The following SLIT3 variants were observed in gnomAD, a reference collection of about 807,000 sequenced individuals.
The protein encoded by SLIT3 is slit guidance ligand 3, also known as slit homolog 3 protein.
A neutral mutation model predicts 184.0 loss-of-function variants in SLIT3; 68 were observed. That is an observed-to-expected ratio of 0.37 (90% confidence interval 0.30 to 0.45). The LOEUF is 0.45. Ranked by LOEUF, SLIT3 falls within the 20% of genes least tolerant of loss-of-function variation. SLIT3 has a pLI of 1.00. For missense variants in SLIT3, 1,707 were observed against 2,026.0 expected (o/e 0.84, Z 3.02); for synonymous variants, 831 against 828.6 (o/e 1.00, Z -0.05).
At chr5:168,741,578 A>G (rs1392050771) in intron 20 of SLIT3, among the ~76,000 whole-genome samples, 1 of 152,076 alleles carries the variant, frequency 6.6e-6, no homozygotes, top group Non-Finnish European at 1.5e-5. Flanking sequence ...GAAAACAAAC[A>G]GTGAATGAGA....
At chr5:169,021,402 G>C (rs577967776) in intron 4 of SLIT3, among the ~76,000 whole-genome samples, 2 of 152,076 alleles carry the variant, frequency 1.3e-5, no homozygotes, top group East Asian at 3.9e-4. Context: ...CCAGGCTGGA[G>C]TGCAGTGATA....
chr5:168,662,087 C>A lies in SLIT3; in HGVS notation c.*4367G>T, dbSNP rs1760871395. 1 of 152,262 alleles carries A rather than the reference C, an allele frequency of 6.6e-6. No individual in the cohort carries two copies. The highest frequency in any genetic ancestry group is 2.1e-4 in the South Asian group (1 of 4,830). 9.4% of individuals were successfully genotyped at this position (152,262 alleles called of 1,614,324 possible). A position where few individuals can be genotyped will look rare whatever the true frequency, so the allele number is the denominator to read the frequency against. On this transcript the variant is annotated 3_prime_UTR_variant, in exon 36 of 36. Coordinates refer to ENST00000519560, the MANE Select transcript of SLIT3 (RefSeq NM_003062.4). ...AACCACACTATGCCCTCTGCTTCCCCATCATGTGGGGACCATCTGCCTGGA... is the reference window on the plus strand; with the variant it reads ...AACCACACTATGCCCTCTGCTTCCCAATCATGTGGGGACCATCTGCCTGGA...
chr5:168,687,237 G>A (rs1232015443), intron 29 of SLIT3, 121 bp from the exon 30 acceptor site: 3 of 1,145,824 alleles, frequency 2.6e-6, no homozygotes, highest in Non-Finnish European at 3.8e-6. Flanking sequence ...AAGTTCCTTT[G>A]GGATCTGCAA....
chr5:168,776,008 G>A (rs1164037838), intron 12 of SLIT3, among the ~76,000 whole-genome samples: 1 of 152,190 alleles, frequency 6.6e-6, no homozygotes, highest in African/African-American at 2.4e-5. Context: ...GAATGAAACT[G>A]GGGGAAGGGG....
At chr5:168,932,347 GACACACACACAC>G (rs375350401) in intron 4 of SLIT3, among the ~76,000 whole-genome samples, 1,362 of 131,126 alleles carry the variant, frequency 0.01, 15 homozygotes, top group African/African-American at 0.028. Flanking sequence ...AGGGGAAAAA[GACACACACACAC>G]ACACACACAC....
At chr5:169,145,849 G>A (rs1045725731) in intron 4 of SLIT3, among the ~76,000 whole-genome samples, 3 of 152,084 alleles carry the variant, frequency 2.0e-5, no homozygotes, top group African/African-American at 7.2e-5. Flanking sequence ...GGAGCTCGAG[G>A]CCAGCCTGGC....
In SLIT3 at chr5:169,154,059, A is replaced by G. The variant is rs1205411750; in HGVS notation, c.413+39420T>C. ...GTCATCTCAGCTCACTGCAAGCTCC[A>G]CCTCCTGGGTTCACGCCATTCTCCT... On this transcript the variant is annotated intron_variant, in intron 4 of 35. Transcript: ENST00000519560. Among the ~76,000 whole-genome samples, 4 of 142,458 alleles carry G rather than the reference A, an allele frequency of 2.8e-5. No individual in the cohort carries two copies. In the Admixed American group the frequency reaches 2.9e-4, roughly 10 times the overall value. 93.5% of individuals were successfully genotyped at this position (142,458 alleles called of 152,430 possible).
chr5:168,878,347 G>C (rs1759815914), intron 5 of SLIT3, among the ~76,000 whole-genome samples: 1 of 152,210 alleles, frequency 6.6e-6, no homozygotes, highest in Admixed American at 6.5e-5. Context: ...CAGGCGTCCA[G>C]TCCCTTCACT....
At chr5:168,749,778 T>A in intron 18 of SLIT3, 143 bp from the exon 19 acceptor site, 1 of 794,210 alleles carries the variant, frequency 1.3e-6, no homozygotes, top group Non-Finnish European at 2.0e-6. Flanking sequence ...ATGCAGTCTC[T>A]GTGAGGGTCT....
intron 14 of SLIT3, among the ~76,000 whole-genome samples, chr5:168,770,252 G>A (rs1018695091): frequency 1.3e-5 from 2 of 152,218 alleles, no homozygotes; most frequent in Non-Finnish European, 2.9e-5. Flanking sequence ...GGCAGACACA[G>A]GCAGCTGGGA....
At chr5:168,897,647 T>C (rs4277928) in intron 4 of SLIT3, among the ~76,000 whole-genome samples, 69,665 of 141,172 alleles carry the variant, frequency 0.49, 18,242 homozygotes, top group East Asian at 0.71. Context: ...CAGGTGCACG[T>C]ACACACACAC....
intron 4 of SLIT3, among the ~76,000 whole-genome samples, chr5:169,130,177 T>C (rs1761246284): frequency 6.6e-6 from 1 of 152,140 alleles, no homozygotes; most frequent in African/African-American, 2.4e-5. Context: ...TGTACCATAG[T>C]AATGTAAGAT....
intron 4 of SLIT3, among the ~76,000 whole-genome samples, chr5:169,187,898 T>C (rs1419482857): frequency 2.6e-5 from 4 of 151,098 alleles, no homozygotes; most frequent in Non-Finnish European, 5.9e-5. Context: ...TGAACCCATG[T>C]GTCCCTCACC....
At chr5:169,040,369 G>A (rs1225395285) in intron 4 of SLIT3, among the ~76,000 whole-genome samples, 1 of 152,192 alleles carries the variant, frequency 6.6e-6, no homozygotes, top group Non-Finnish European at 1.5e-5. Context: ...TAACTGTAAA[G>A]CTGACAAAAT....
At chr5:168,929,769 A>T (rs1001304679) in intron 4 of SLIT3, among the ~76,000 whole-genome samples, 1 of 152,234 alleles carries the variant, frequency 6.6e-6, no homozygotes, top group Non-Finnish European at 1.5e-5. Context: ...CAAATAGTTC[A>T]TACTGGCTCG....
Position 169,197,699 on chromosome 5 carries a change from C to A in SLIT3, c.342-4149G>T, listed in dbSNP as rs141303270. On this transcript the variant is annotated intron_variant, in intron 3 of 35. Coordinates refer to ENST00000519560, the MANE Select transcript of SLIT3 (RefSeq NM_003062.4). ...ATGAGGACAGAACTGAGGAAGTCAG[C>A]AAATGAGATGTGGGCCAGGGCAATG... Among the ~76,000 whole-genome samples the A allele has an allele frequency of 4.6e-5, 7 of 152,120 alleles. No homozygotes were observed. In the East Asian group the frequency reaches 1.3e-3, roughly 29 times the overall value.
At chr5:168,943,945 C>T (rs566732216) in intron 4 of SLIT3, among the ~76,000 whole-genome samples, 95 of 152,262 alleles carry the variant, frequency 6.2e-4, no homozygotes, top group African/African-American at 2.2e-3. Context: ...AACTCCTTGG[C>T]GAATCCCTAA....
rs567917528 is a variant in SLIT3, at chr5:169,186,385, T to A, written c.413+7094A>T. On this transcript the variant is annotated intron_variant, in intron 4 of 35. Coordinates refer to ENST00000519560, the MANE Select transcript of SLIT3 (RefSeq NM_003062.4). ...CCAGGAGGAACTAATCCAGCCAGCA[T>A]CTTGATCTTGGACTTCTATCCTCCA... is the stretch of plus-strand genomic sequence containing the variant. Among the ~76,000 whole-genome samples, 3 of 152,292 alleles carry A rather than the reference T, an allele frequency of 2.0e-5. No homozygotes were observed. The East Asian group carries it at 5.8e-4, about 29-fold the overall frequency.
chr5:168,852,602 C>T lies in SLIT3; in HGVS notation c.486-7947G>A, dbSNP rs536380499. 5.9e-5 allele frequency among the ~76,000 whole-genome samples: 9 copies of T among 152,340 alleles called. No homozygotes were observed. In the South Asian group the frequency reaches 1.0e-3, roughly 18 times the overall value. On this transcript the variant is annotated intron_variant, in intron 5 of 35. Transcript: ENST00000519560. Reference sequence around the variant, plus strand: ...GAAACCACATCATCTCCTTCAGCCTCGAGAGATCTTTGTTTCCCTTTAAAA... The same window carrying T: ...GAAACCACATCATCTCCTTCAGCCTTGAGAGATCTTTGTTTCCCTTTAAAA...
Sources: gnomAD v4.1 joint callset for allele counts (sites outside exome capture counted in the v4.1 genomes callset) on GRCh38, gnomAD v4.1.1 for gene constraint, MANE v1.5 for transcripts, NCBI Gene and HGNC (gene_info 2026-07-23, HGNC 2026-07-21) for gene names.